The following RAB3IL1 variants were observed in gnomAD, a reference collection of about 807,000 sequenced individuals.
The protein encoded by RAB3IL1 is RAB3A interacting protein like 1.
A neutral mutation model predicts 49.2 loss-of-function variants in RAB3IL1; 37 were observed. The ratio of observed to expected loss-of-function variants is 0.75; its 90% CI spans 0.58 to 0.99. The LOEUF (loss-of-function observed/expected upper bound fraction) is 0.99, where lower values mean the gene tolerates loss of function less well. Among genes scored for constraint, RAB3IL1 ranks in the 50% least tolerant of loss-of-function variants. The pLI is 0.00. For missense variants in RAB3IL1, 484 were observed against 513.0 expected (o/e 0.94, Z 0.55); for synonymous variants, 193 against 213.9 (o/e 0.90, Z 0.85).
At chr11:61,902,576 T>G in intron 7 of RAB3IL1, 35 bp from the exon 8 acceptor site, 3 of 1,534,846 alleles carry the variant, frequency 2.0e-6, no homozygotes, top group Non-Finnish European at 2.7e-6. Context: ...GGGGGCTGGC[T>G]GGGGCTTGCC....
chr11:61,936,122 A>T, the RAB3IL1 span, among the ~76,000 whole-genome samples: 150 of 152,326 alleles, frequency 9.8e-4, no homozygotes, highest in African/African-American at 3.5e-3. Context: ...CTGAGAAACA[A>T]GAATGGAGAA....
chr11:61,943,270 C>T, the RAB3IL1 span, among the ~76,000 whole-genome samples: 1 of 152,118 alleles, frequency 6.6e-6, no homozygotes, highest in South Asian at 2.1e-4. Context: ...TATACATGGA[C>T]ACCTGGATAG....
At chr11:61,920,167 C>T, upstream of RAB3IL1, 1 of 1,316,758 alleles carries the variant, frequency 7.6e-7, no homozygotes, top group South Asian at 2.2e-5. Context: ...GGCGGGGCAC[C>T]CAGCGTGCTC....
At position 61,909,727 on chromosome 11, in the gene RAB3IL1, G is replaced by A. The variant is rs371655335; in HGVS notation, c.12-1421C>T. Among the ~76,000 whole-genome samples the A allele has an allele frequency of 8.5e-5, 13 of 152,356 alleles. No homozygotes were observed. The South Asian group carries it at 2.1e-3, about 24-fold the overall frequency. Reference sequence around the variant, plus strand: ...TTCCCCGCAGCCTGAGAGCTATGGCGGAGCCCTGGGCTGGGGTCTGTGCCC... The same window carrying A: ...TTCCCCGCAGCCTGAGAGCTATGGCAGAGCCCTGGGCTGGGGTCTGTGCCC... On this transcript the variant is annotated intron_variant, in intron 1 of 9. Coordinates refer to ENST00000394836, the MANE Select transcript of RAB3IL1 (RefSeq NM_013401.4).
rs1356827754 is a variant in RAB3IL1 at position 61,906,703 on chromosome 11, C to T, written c.439-19G>A. 6.3e-7 allele frequency: 1 copy of T among 1,590,156 alleles called. No homozygotes were observed. Among genetic ancestry groups the T allele is most frequent in the Non-Finnish European group, 8.6e-7 (1 of 1,168,046 alleles). ...TGTCGATCTGCATGGGATGGGATGG[C>T]TGTCAACCCTCACCCAGACTGGATG... is the stretch of plus-strand genomic sequence containing the variant. On this transcript the variant is annotated intron_variant, in intron 4 of 9. Coordinates refer to ENST00000394836, the MANE Select transcript of RAB3IL1 (RefSeq NM_013401.4). The surrounding 1 kb of genome is among the most constrained non-coding windows in gnomAD (Gnocchi z 4.6).
the RAB3IL1 span, among the ~76,000 whole-genome samples, chr11:61,935,639 C>T: frequency 1.1e-4 from 16 of 151,924 alleles, no homozygotes; most frequent in African/African-American, 3.1e-4. Context: ...CTCAGCCTCC[C>T]GAATAGCTGG....
the RAB3IL1 span, among the ~76,000 whole-genome samples, chr11:61,941,766 A>C: frequency 3.9e-5 from 6 of 152,220 alleles, no homozygotes; most frequent in East Asian, 1.9e-4. Flanking sequence ...AAAAGAAGGA[A>C]TATACGGACC....
chr11:61,905,006 T>C, intron 5 of RAB3IL1, 124 bp from the exon 6 acceptor site: 2 of 721,722 alleles, frequency 2.8e-6, no homozygotes, highest in Non-Finnish European at 4.6e-6. Flanking sequence ...AGCAGGTCGA[T>C]CCCCAGCAGC....
chr11:61,906,815 G>A lies in RAB3IL1; in HGVS notation c.439-131C>T. 3 of 865,948 alleles carry A rather than the reference G, an allele frequency of 3.5e-6. No individual in the cohort carries two copies. The highest frequency in any genetic ancestry group is 5.6e-6 in the Non-Finnish European group (3 of 537,106). The allele number at this position is 865,948 out of a possible 1,614,324, so 53.6% of individuals were successfully genotyped here. A position where few individuals can be genotyped will look rare whatever the true frequency, so the allele number is the denominator to read the frequency against. On this transcript the variant is annotated intron_variant, in intron 4 of 9. Transcript: ENST00000394836. The surrounding 1 kb of genome is among the most constrained non-coding windows in gnomAD (Gnocchi z 4.6). Reference sequence around the variant, plus strand: ...CACTTAGTCCCACCCGACGCCCTCAGAACAGCCTTCGAGGCAGAGACCCAG... The same window carrying A: ...CACTTAGTCCCACCCGACGCCCTCAAAACAGCCTTCGAGGCAGAGACCCAG...
chr11:61,935,980 G>C, the RAB3IL1 span, among the ~76,000 whole-genome samples: 10 of 150,478 alleles, frequency 6.6e-5, no homozygotes, highest in Admixed American at 6.0e-4. Flanking sequence ...AAAGAAAAAA[G>C]AGAAAAATAA....
At chr11:61,922,939 A>G (rs1245015685), upstream of RAB3IL1, among the ~76,000 whole-genome samples, 1 of 152,226 alleles carries the variant, frequency 6.6e-6, no homozygotes, top group Non-Finnish European at 1.5e-5. Flanking sequence ...CAATTAATGG[A>G]AAACAGGATA....
intron 1 of RAB3IL1, among the ~76,000 whole-genome samples, chr11:61,915,296 A>AG (rs1202633309): frequency 2.0e-5 from 3 of 152,040 alleles, no homozygotes; most frequent in Non-Finnish European, 4.4e-5. Flanking sequence ...GGAATATGGC[A>AG]GGGGGGCTGG....
chr11:61,907,565 C>T lies in RAB3IL1; in HGVS notation c.360G>A (p.Glu120=). 1.9e-6 allele frequency: 3 copies of T among 1,614,072 alleles called. No individual in the cohort carries two copies. The highest frequency in any genetic ancestry group is 2.5e-6 in the Non-Finnish European group (3 of 1,179,982). Residue 120 remains glutamate, a splice_region_variant and synonymous_variant, in exon 3 of 10, where the codon GAG becomes GAA. Coordinates refer to ENST00000394836, the MANE Select transcript of RAB3IL1 (RefSeq NM_013401.4). ...ELEELTASLF[E]EAHKMVREAN... is the part of the protein sequence containing the mutation. ...TTGTTCCCGCGCCCAGCCGGTGTAC[C>T]TCAAACAGGCTGGCCGTCAGCTCTT...
At chr11:61,901,723 G>C (rs1464657060) in intron 8 of RAB3IL1, among the ~76,000 whole-genome samples, 1 of 152,174 alleles carries the variant, frequency 6.6e-6, no homozygotes, top group African/African-American at 2.4e-5. Context: ...AGAAAATAGG[G>C]GCCTCAGTCC....
intron 1 of RAB3IL1, among the ~76,000 whole-genome samples, chr11:61,910,602 G>T (rs570744657): frequency 1.3e-5 from 2 of 152,328 alleles, no homozygotes; most frequent in East Asian, 1.9e-4. Flanking sequence ...CCTGGTGCTG[G>T]GTGAATCATG....
chr11:61,902,534 C>A lies in RAB3IL1; in HGVS notation c.907G>T (p.Ala303Ser), dbSNP rs1294736660. The A allele has an allele frequency of 1.3e-6, 2 of 1,597,726 alleles. No homozygotes were observed. The highest frequency in any genetic ancestry group is 3.6e-5 in the Admixed American group (2 of 56,114). Reference protein sequence around the residue: ...EVDCSSTNTCALSGLTRTCRH... With the variant: ...EVDCSSTNTCSLSGLTRTCRH... ...CAGGTGCGGGTCAGCCCGCTCAGGG[C>A]ACATGTGCTAGGGGAAAGCAAAATG... is the stretch of plus-strand genomic sequence containing the variant. The change falls in exon 8 of 10, where the codon GCC (alanine) becomes TCC (serine). Residue 303 changes from alanine (A) to serine (S), a missense_variant. Ala to Ser is a moderately conservative substitution (Grantham distance 99). Coordinates refer to ENST00000394836, the MANE Select transcript of RAB3IL1 (RefSeq NM_013401.4).
the RAB3IL1 span, among the ~76,000 whole-genome samples, chr11:61,932,992 A>G: frequency 2.0e-5 from 3 of 152,038 alleles, no homozygotes; most frequent in African/African-American, 4.8e-5. Flanking sequence ...GCTGGTCTCA[A>G]ACTCCTGACC....
At chr11:61,921,297 A>T (rs1408508069), upstream of RAB3IL1, among the ~76,000 whole-genome samples, 1 of 152,128 alleles carries the variant, frequency 6.6e-6, no homozygotes, top group African/African-American at 2.4e-5. Context: ...GCTGGATTCA[A>T]CCCCACTTTC....
Position 61,906,762 on chromosome 11 carries a change from C to T in RAB3IL1, c.439-78G>A. 7.5e-7 allele frequency: 1 copy of T among 1,329,090 alleles called. No individual in the cohort carries two copies. The highest frequency in any genetic ancestry group is 1.2e-5 in the South Asian group (1 of 80,014). 82.3% of individuals were successfully genotyped at this position (1,329,090 alleles called of 1,614,324 possible). A position where few individuals can be genotyped will look rare whatever the true frequency, so the allele number is the denominator to read the frequency against. ...GCTGCCACCGCCTATCAGCCTAACT[C>T]AGGACAATGCACCCCTGCAGTGACA... On this transcript the variant is annotated intron_variant, in intron 4 of 9. Coordinates refer to ENST00000394836, the MANE Select transcript of RAB3IL1 (RefSeq NM_013401.4). The surrounding 1 kb of genome is among the most constrained non-coding windows in gnomAD (Gnocchi z 4.6).
Sources: gnomAD v4.1 joint callset for allele counts (sites outside exome capture counted in the v4.1 genomes callset) on GRCh38, gnomAD v4.1.1 for gene constraint, Gnocchi (gnomAD v3.1) non-coding constraint, MANE v1.5 for transcripts, NCBI Gene and HGNC (gene_info 2026-07-23, HGNC 2026-07-21) for gene names.